NRG3: variants seen among roughly 807,000 people sequenced by gnomAD.
The protein encoded by NRG3 is neuregulin 3, also known as pro-neuregulin-3, membrane-bound isoform.
In NRG3, 31 loss-of-function variants were observed where a neutral mutation model predicts 66.9. The ratio of observed to expected loss-of-function variants is 0.46; its 90% confidence interval spans 0.35 to 0.63. NRG3 has a LOEUF of 0.63. Among genes scored for constraint, NRG3 ranks in the 20% least tolerant of loss-of-function variants. NRG3 has a pLI of 0.00. For missense variants in NRG3, 910 were observed against 878.9 expected, an observed-to-expected ratio of 1.04 and a Z score of -0.45; for synonymous variants, 393 against 359.4, an observed-to-expected ratio of 1.09 and a Z score of -1.06.
At chr10:81,960,290 A>G (rs74143889) in intron 1 of NRG3, among the ~76,000 whole-genome samples, 2,036 of 152,294 alleles carry the variant, frequency 0.013, 46 homozygotes, top group African/African-American at 0.047. Flanking sequence ...ATAGATGACT[A>G]TAACTTCAAA....
At chr10:82,205,006 T>C (rs2075046359) in intron 1 of NRG3, among the ~76,000 whole-genome samples, 1 of 152,078 alleles carries the variant, frequency 6.6e-6, no homozygotes, top group African/African-American at 2.4e-5. Flanking sequence ...CTCAGACAAG[T>C]TGGGAAATAA....
At position 82,293,354 on chromosome 10, in the gene NRG3, A is replaced by G. The variant is rs547457604; in HGVS notation, c.824-65385A>G. Reference sequence around the variant, plus strand: ...TCAGAAAAAAAAATACTTGAAGACCACAATTCTAAAAACTTATCTCTAGAG... The same window carrying G: ...TCAGAAAAAAAAATACTTGAAGACCGCAATTCTAAAAACTTATCTCTAGAG... On this transcript the variant is annotated intron_variant, in intron 1 of 8. Transcript: ENST00000372141. 1.1e-4 allele frequency among the ~76,000 whole-genome samples: 17 copies of G among 152,232 alleles called. 1 individual carries two copies. The South Asian group carries it at 3.5e-3, about 32-fold the overall frequency.
At chr10:82,172,983 A>G (rs2072746673) in intron 1 of NRG3, among the ~76,000 whole-genome samples, 1 of 152,144 alleles carries the variant, frequency 6.6e-6, no homozygotes, top group Non-Finnish European at 1.5e-5. Context: ...CAGGCTCCTA[A>G]TATGAAAGTG....
intron 1 of NRG3, among the ~76,000 whole-genome samples, chr10:81,896,436 C>T (rs1843536495): frequency 6.6e-6 from 1 of 152,080 alleles, no homozygotes; most frequent in Non-Finnish European, 1.5e-5. Flanking sequence ...GTAAAGAATA[C>T]TTTTCTGAAG....
At chr10:82,474,690 G>A (rs1841600540) in intron 2 of NRG3, among the ~76,000 whole-genome samples, 1 of 152,032 alleles carries the variant, frequency 6.6e-6, no homozygotes. Flanking sequence ...AGAGAAAGAG[G>A]AAGATATCTT....
chr10:82,261,571 A>C (rs2078033191), intron 1 of NRG3, among the ~76,000 whole-genome samples: 1 of 152,200 alleles, frequency 6.6e-6, no homozygotes. Context: ...CAGCCTTCAG[A>C]GCTGAGAGCC....
At chr10:82,285,293 G>T (rs193085789) in intron 1 of NRG3, among the ~76,000 whole-genome samples, 1 of 152,232 alleles carries the variant, frequency 6.6e-6, no homozygotes, top group East Asian at 1.9e-4. Context: ...GTTCTTAAAA[G>T]ACAACATGGC....
At chr10:82,412,123 A>G (rs1324920594) in intron 2 of NRG3, among the ~76,000 whole-genome samples, 1 of 152,178 alleles carries the variant, frequency 6.6e-6, no homozygotes, top group Non-Finnish European at 1.5e-5. Flanking sequence ...AATGTGTTAT[A>G]GTAAGAAAAA....
chr10:82,266,146 C>G (rs1249023762), intron 1 of NRG3, among the ~76,000 whole-genome samples: 6 of 152,022 alleles, frequency 3.9e-5, no homozygotes, highest in African/African-American at 1.4e-4. Flanking sequence ...GCTTATGGGA[C>G]CAATGAATAC....
intron 2 of NRG3, among the ~76,000 whole-genome samples, chr10:82,482,172 G>T (rs768076871): frequency 6.6e-6 from 1 of 151,966 alleles, no homozygotes; most frequent in Admixed American, 6.6e-5. Context: ...TCCACATGTA[G>T]AATTATGCAA....
At chr10:82,713,119 CAAAAAA>C (rs369968319) in intron 2 of NRG3, among the ~76,000 whole-genome samples, 108 of 55,362 alleles carry the variant, frequency 2.0e-3, no homozygotes, top group Middle Eastern at 0.017. Context: ...GACTTCATCT[CAAAAAA>C]AAAAAAAAAA....
chr10:82,851,316 G>T (rs759667449), intron 3 of NRG3, among the ~76,000 whole-genome samples: 1 of 152,134 alleles, frequency 6.6e-6, no homozygotes, highest in Admixed American at 6.6e-5. Flanking sequence ...AGGACACGGA[G>T]CTTGGGGGTT....
intron 3 of NRG3, among the ~76,000 whole-genome samples, chr10:82,817,493 T>C (rs2061762685): frequency 6.6e-6 from 1 of 152,218 alleles, no homozygotes; most frequent in Non-Finnish European, 1.5e-5. Flanking sequence ...TGGTTCTTTT[T>C]CTTTTTTTGC....
intron 3 of NRG3, 34 bp downstream of exon 3, chr10:82,738,684 T>C (rs368787347): frequency 2.6e-6 from 4 of 1,542,682 alleles, no homozygotes; most frequent in Non-Finnish European, 2.7e-6. Flanking sequence ...TCTAATGCAA[T>C]ATATAGGCAG....
At chr10:82,316,513 G>T (rs1415818428) in intron 1 of NRG3, among the ~76,000 whole-genome samples, 1 of 152,086 alleles carries the variant, frequency 6.6e-6, no homozygotes, top group African/African-American at 2.4e-5. Context: ...TTTGCCTACG[G>T]ACCCTTTTTT....
chr10:82,668,808 T>C (rs1434081414), intron 2 of NRG3, among the ~76,000 whole-genome samples: 1 of 152,100 alleles, frequency 6.6e-6, no homozygotes, highest in Non-Finnish European at 1.5e-5. Flanking sequence ...AATTATGCTT[T>C]CACAAGTAGA....
intron 2 of NRG3, among the ~76,000 whole-genome samples, chr10:82,561,448 T>G (rs2045036967): frequency 6.6e-6 from 1 of 152,066 alleles, no homozygotes; most frequent in South Asian, 2.1e-4. Context: ...GCTCAAGAAT[T>G]TGAGATCAGC....
Position 82,750,753 on chromosome 10 carries a change from C to G in NRG3, c.1027+12103C>G, listed in dbSNP as rs17100723. Among the ~76,000 whole-genome samples, 622 of 152,222 alleles carry G rather than the reference C, an allele frequency of 4.1e-3. 4 individuals are homozygous for G. The highest frequency in any genetic ancestry group is 0.014 in the African/African-American group (598 of 41,554). ...TCTGCTGAGTCCACATTTTAGCCATCAAAGGGCCTTTTGATATGGGCCAAC... is the reference window on the plus strand; with the variant it reads ...TCTGCTGAGTCCACATTTTAGCCATGAAAGGGCCTTTTGATATGGGCCAAC... On this transcript the variant is annotated intron_variant, in intron 3 of 8. Coordinates refer to ENST00000372141, the MANE Select transcript of NRG3 (RefSeq NM_001010848.4).
chr10:81,908,093 C>T (rs574842087), intron 1 of NRG3, among the ~76,000 whole-genome samples: 14 of 152,188 alleles, frequency 9.2e-5, no homozygotes, highest in African/African-American at 3.1e-4. Flanking sequence ...AGTTTCTTCC[C>T]GATTGCTTGA....
Sources: allele counts gnomAD v4.1 joint callset (sites outside exome capture counted in the v4.1 genomes callset), GRCh38; gene constraint gnomAD v4.1.1; transcripts MANE v1.5; gene names NCBI Gene and HGNC (gene_info 2026-07-23, HGNC 2026-07-21).